MCTP1: variants seen among roughly 807,000 people sequenced by gnomAD.
MCTP1 encodes multiple C2 and transmembrane domain containing 1, also known as multiple C2 and transmembrane domain-containing protein 1.
A neutral mutation model predicts 120.6 loss-of-function variants in MCTP1; 69 were observed. The ratio of observed to expected loss-of-function variants is 0.57; its 90% CI spans 0.47 to 0.70. The LOEUF is 0.70. Ranked by LOEUF, MCTP1 falls within the 30% of genes least tolerant of loss-of-function variation. The pLI is 0.00. For synonymous variants in MCTP1, 529 were observed against 493.1 expected (o/e 1.07, Z -0.96); for missense variants, 1,203 against 1,248.8 (o/e 0.96, Z 0.55).
At chr5:95,124,629 C>T (rs1019756277) in intron 1 of MCTP1, among the ~76,000 whole-genome samples, 2 of 152,190 alleles carry the variant, frequency 1.3e-5, no homozygotes, top group South Asian at 2.1e-4. Flanking sequence ...ATTTATGAAG[C>T]ATATGCTGGG....
chr5:94,863,721 G>GTACATGATAAGTGTACTGTAGGA (rs1796254948), intron 17 of MCTP1, among the ~76,000 whole-genome samples: 1 of 151,834 alleles, frequency 6.6e-6, no homozygotes, highest in Non-Finnish European at 1.5e-5. Flanking sequence ...CGAGAAGGAA[G>GTACATGATAAGTGTACTGTAGGA]TACATGATAA....
intron 17 of MCTP1, chr5:94,826,530 G>C: frequency 2.8e-6 from 2 of 711,490 alleles, no homozygotes; most frequent in Admixed American, 3.5e-5. Context: ...CCTTGTGATA[G>C]TGCTTCATTT....
chr5:95,256,186 G>A (rs1582672718), intron 1 of MCTP1, among the ~76,000 whole-genome samples: 1 of 152,108 alleles, frequency 6.6e-6, no homozygotes, highest in African/African-American at 2.4e-5. Flanking sequence ...GAGAGCAAAG[G>A]AGCAAAGAAG....
intron 6 of MCTP1, chr5:94,931,665 C>A: frequency 3.1e-6 from 1 of 327,670 alleles, no homozygotes; most frequent in Non-Finnish European, 5.5e-6. Flanking sequence ...CATTTTATTC[C>A]TGGCTCAGAG....
At chr5:94,801,562 G>C (rs1034984773) in intron 17 of MCTP1, among the ~76,000 whole-genome samples, 5 of 152,092 alleles carry the variant, frequency 3.3e-5, no homozygotes, top group African/African-American at 1.2e-4. Flanking sequence ...CCTTTTCTGA[G>C]GGCATTCATT....
intron 1 of MCTP1, among the ~76,000 whole-genome samples, chr5:95,281,170 G>C (rs559000222): frequency 6.6e-6 from 1 of 152,284 alleles, no homozygotes; most frequent in Admixed American, 6.5e-5. Context: ...TGTGAATAAA[G>C]CTGAAATCTG....
chr5:95,129,137 AAAG>A (rs1463166343), intron 1 of MCTP1, among the ~76,000 whole-genome samples: 1 of 152,246 alleles, frequency 6.6e-6, no homozygotes, highest in East Asian at 1.9e-4. Context: ...TCAAAAGATC[AAAG>A]AAAGACTCTT....
chr5:95,270,629 C>CT (rs796624561), intron 1 of MCTP1, among the ~76,000 whole-genome samples: 155 of 152,212 alleles, frequency 1.0e-3, no homozygotes, highest in African/African-American at 3.3e-3. Flanking sequence ...CCTAATGCAG[C>CT]TTTAGAAGAT....
intron 2 of MCTP1, among the ~76,000 whole-genome samples, chr5:95,005,610 C>A (rs1488438671): frequency 2.6e-5 from 4 of 152,070 alleles, no homozygotes; most frequent in Non-Finnish European, 5.9e-5. Flanking sequence ...AAGGGTGTGG[C>A]ACTTTCCCCA....
chr5:94,779,623 G>A (rs908719262), intron 18 of MCTP1, among the ~76,000 whole-genome samples: 2 of 152,038 alleles, frequency 1.3e-5, no homozygotes, highest in African/African-American at 4.8e-5. Flanking sequence ...GTGGTCTATG[G>A]CATAAAACTA....
At chr5:95,088,386 G>T (rs1755593585) in intron 1 of MCTP1, among the ~76,000 whole-genome samples, 1 of 152,232 alleles carries the variant, frequency 6.6e-6, no homozygotes, top group African/African-American at 2.4e-5. Context: ...TACGCCTTAA[G>T]GAAAAGGGCA....
intron 6 of MCTP1, among the ~76,000 whole-genome samples, chr5:94,929,047 T>C (rs1417744874): frequency 6.6e-6 from 1 of 152,158 alleles, no homozygotes; most frequent in Non-Finnish European, 1.5e-5. Context: ...AAAGTCAAGA[T>C]GATGAAAATG....
chr5:94,850,351 G>A (rs970135961), intron 17 of MCTP1, among the ~76,000 whole-genome samples: 3 of 152,114 alleles, frequency 2.0e-5, no homozygotes, highest in African/African-American at 7.2e-5. Context: ...ATCAAAGTCT[G>A]GAATTTATGC....
intron 19 of MCTP1, among the ~76,000 whole-genome samples, chr5:94,750,316 G>C (rs539788471): frequency 6.6e-6 from 1 of 152,230 alleles, no homozygotes; most frequent in South Asian, 2.1e-4. Flanking sequence ...TTTTCTCAAT[G>C]GTTCAAATTA....
At chr5:95,201,616 T>C (rs1751064976) in intron 1 of MCTP1, among the ~76,000 whole-genome samples, 1 of 151,342 alleles carries the variant, frequency 6.6e-6, no homozygotes, top group African/African-American at 2.4e-5. Flanking sequence ...GCAATTCTCC[T>C]GCCTTAGCGT....
At chr5:95,054,078 G>A (rs998877696) in intron 1 of MCTP1, among the ~76,000 whole-genome samples, 1 of 152,116 alleles carries the variant, frequency 6.6e-6, no homozygotes, top group African/African-American at 2.4e-5. Flanking sequence ...AAAATACTGG[G>A]TTTTTATTCT....
chr5:94,760,049 G>GA lies in MCTP1; in HGVS notation c.2610+19060dup, dbSNP rs71615132. Among the ~76,000 whole-genome samples the GA allele has an allele frequency of 6.1e-4, 90 of 148,064 alleles. 1 individual carries two copies. The highest frequency in any genetic ancestry group is 7.9e-4 in the East Asian group (4 of 5,066). Reference sequence around the variant, plus strand: ...CAATTGCTTACAAATAACTTATCTGGAAAAAAAATCAAGTAAATCTATCAG... The same window carrying GA: ...CAATTGCTTACAAATAACTTATCTGGAAAAAAAAATCAAGTAAATCTATCAG... On this transcript the variant is annotated intron_variant, in intron 19 of 22. Transcript: ENST00000515393.
intron 1 of MCTP1, among the ~76,000 whole-genome samples, chr5:95,226,297 G>A (rs1411576549): frequency 6.6e-6 from 1 of 152,114 alleles, no homozygotes; most frequent in Non-Finnish European, 1.5e-5. Context: ...ATAGAGTATT[G>A]TGGCTACGTT....
intron 1 of MCTP1, among the ~76,000 whole-genome samples, chr5:95,080,019 A>T (rs1039996115): frequency 6.6e-6 from 1 of 152,180 alleles, no homozygotes; most frequent in Non-Finnish European, 1.5e-5. Flanking sequence ...TCTAACAGAA[A>T]GGGTTGGAAG....
Sources: allele counts gnomAD v4.1 joint callset (sites outside exome capture counted in the v4.1 genomes callset), GRCh38; gene constraint gnomAD v4.1.1; transcripts MANE v1.5; gene names NCBI Gene and HGNC (gene_info 2026-07-23, HGNC 2026-07-21).